STEAP1B: variants seen among roughly 807,000 people sequenced by gnomAD.
The protein encoded by STEAP1B is STEAP family member 1B, also known as STEAP family protein MGC87042.
Under a neutral mutation model 27.9 loss-of-function variants are expected in STEAP1B, and 13 were observed. The ratio of observed to expected loss-of-function variants is 0.47; its 90% CI spans 0.30 to 0.74. STEAP1B has a LOEUF of 0.74. Ranked by LOEUF, STEAP1B falls within the 30% of genes least tolerant of loss-of-function variation. STEAP1B has a pLI of 0.06. For synonymous variants in STEAP1B, 86 were observed against 107.1 expected (o/e 0.80, Z 1.22); for missense variants, 250 against 298.7 (o/e 0.84, Z 1.20).
At chr7:22,484,024 A>C (rs977252450) in intron 4 of STEAP1B, among the ~76,000 whole-genome samples, 10 of 152,236 alleles carry the variant, frequency 6.6e-5, no homozygotes, top group African/African-American at 2.4e-4. Flanking sequence ...AGCTGCAGAA[A>C]AGCTGGCAGC....
intron 4 of STEAP1B, among the ~76,000 whole-genome samples, chr7:22,466,185 AGTT>A (rs1189579665): frequency 6.6e-6 from 1 of 152,346 alleles, no homozygotes; most frequent in East Asian, 1.9e-4. Flanking sequence ...AATTGACAAA[AGTT>A]GTATATATTT....
chr7:22,456,230 A>T (rs756569077), intron 4 of STEAP1B, among the ~76,000 whole-genome samples: 3 of 152,162 alleles, frequency 2.0e-5, no homozygotes, highest in Non-Finnish European at 2.9e-5. Flanking sequence ...AAGATTTCTG[A>T]AAATGAGGAA....
At chr7:22,428,101 T>C (rs1181006740) in intron 4 of STEAP1B, among the ~76,000 whole-genome samples, 1 of 152,056 alleles carries the variant, frequency 6.6e-6, no homozygotes. Context: ...TGGCCAGACA[T>C]AGGATGGAAT....
chr7:22,438,584 G>T lies in STEAP1B; in HGVS notation c.763-18748C>A, dbSNP rs752576067. ...TGAGAGCTAACATTTCCCTTTGAAG[G>T]GCTGGCTGCTGATAAAATGAAGTAT... On this transcript the variant is annotated intron_variant, in intron 4 of 4. Coordinates refer to ENST00000678116, the MANE Select transcript of STEAP1B (RefSeq NM_001382447.1). The T allele has an allele frequency of 9.0e-6, 14 of 1,552,142 alleles. No homozygotes were observed. In the South Asian group the frequency reaches 1.5e-4, roughly 17 times the overall value.
At chr7:22,456,595 C>G (rs1475034337) in intron 4 of STEAP1B, among the ~76,000 whole-genome samples, 2 of 152,070 alleles carry the variant, frequency 1.3e-5, no homozygotes, top group Non-Finnish European at 2.9e-5. Context: ...GGAATTTTTA[C>G]TTATGCCCAT....
At chr7:22,492,974 T>G (rs1377964135) in intron 3 of STEAP1B, among the ~76,000 whole-genome samples, 8 of 152,196 alleles carry the variant, frequency 5.3e-5, no homozygotes, top group Non-Finnish European at 7.4e-5. Context: ...ATGGTTTACT[T>G]GGATAGAACT....
At chr7:22,440,943 AAGT>A (rs1246420012) in intron 4 of STEAP1B, among the ~76,000 whole-genome samples, 1 of 150,514 alleles carries the variant, frequency 6.6e-6, no homozygotes, top group Non-Finnish European at 1.5e-5. Context: ...CTATTTTAAA[AAGT>A]AGAATATTAA....
chr7:22,463,458 T>C (rs916098770), intron 4 of STEAP1B, among the ~76,000 whole-genome samples: 1 of 152,166 alleles, frequency 6.6e-6, no homozygotes, highest in Non-Finnish European at 1.5e-5. Context: ...AAAACTACTT[T>C]AAAGTTCATC....
At chr7:22,425,965 T>C (rs2528835) in intron 4 of STEAP1B, among the ~76,000 whole-genome samples, 70,861 of 152,080 alleles carry the variant, frequency 0.47, 16,592 homozygotes, top group East Asian at 0.61. Context: ...GAGACTGTTA[T>C]GTTGCTACAG....
chr7:22,447,965 A>G (rs1378916860), intron 4 of STEAP1B, among the ~76,000 whole-genome samples: 1 of 152,154 alleles, frequency 6.6e-6, no homozygotes, highest in Non-Finnish European at 1.5e-5. Context: ...CATGCAACCC[A>G]TATTGGTTTC....
At chr7:22,441,776 C>A (rs187571108) in intron 4 of STEAP1B, among the ~76,000 whole-genome samples, 1 of 152,226 alleles carries the variant, frequency 6.6e-6, no homozygotes, top group East Asian at 1.9e-4. Context: ...TATAACCAGA[C>A]GTACTCTTAC....
chr7:22,491,465 A>G (rs989438188), intron 4 of STEAP1B, among the ~76,000 whole-genome samples: 19 of 152,350 alleles, frequency 1.2e-4, no homozygotes, highest in African/African-American at 4.3e-4. Context: ...AAATATCATG[A>G]GAGCGAAAGG....
chr7:22,456,344 T>C (rs1422551646), intron 4 of STEAP1B, among the ~76,000 whole-genome samples: 2 of 152,206 alleles, frequency 1.3e-5, no homozygotes, highest in Non-Finnish European at 2.9e-5. Flanking sequence ...AGTGTGATAA[T>C]GCTGCTTCTA....
At chr7:22,482,060 C>T (rs1391473438) in intron 4 of STEAP1B, among the ~76,000 whole-genome samples, 1 of 152,198 alleles carries the variant, frequency 6.6e-6, no homozygotes, top group Non-Finnish European at 1.5e-5. Context: ...CCAGGCAGAG[C>T]CATGTCTGGG....
In STEAP1B at chr7:22,493,828, G is replaced by C. The variant is rs749717453; in HGVS notation, c.93C>G (p.Asp31Glu). ...NLEDNDYLHE[D>E]TGETSMLKRP... ...TTTTTAGCATGCTGGTCTCTCCCGTGTCCTCATGCTACAAAGGAAAGAAAA... is the reference window on the plus strand; with the variant it reads ...TTTTTAGCATGCTGGTCTCTCCCGTCTCCTCATGCTACAAAGGAAAGAAAA... Residue 31 changes from aspartate (D) to glutamate (E), a missense_variant, in exon 3 of 5, where the codon GAC (aspartate) becomes GAG (glutamate). Transcript: ENST00000678116. 3 of 1,599,616 alleles carry C rather than the reference G, an allele frequency of 1.9e-6. No individual in the cohort carries two copies. Among genetic ancestry groups the C allele is most frequent in the African/African-American group, 2.7e-5 (2 of 73,530 alleles).
intron 4 of STEAP1B, among the ~76,000 whole-genome samples, chr7:22,475,086 A>T (rs1425812592): frequency 6.6e-6 from 1 of 152,176 alleles, no homozygotes; most frequent in Non-Finnish European, 1.5e-5. Flanking sequence ...AAAGTAATGC[A>T]TCCCTGAGTC....
rs547380907 is a variant in STEAP1B, at chr7:22,472,456, A to AGGATTGGC, written c.762+20108_762+20109insGCCAATCC. 9.7e-4 allele frequency among the ~76,000 whole-genome samples: 148 copies of AGGATTGGC among 152,346 alleles called. 6 individuals carry two copies. In the South Asian group the frequency reaches 0.03, roughly 31 times the overall value. ...GATGTCCTGCAGGTCAGTGCTACTC[A>AGGATTGGC]AAAATGTGATTGGCAAGTGATGTGT... On this transcript the variant is annotated intron_variant, in intron 4 of 4. Coordinates refer to ENST00000678116, the MANE Select transcript of STEAP1B (RefSeq NM_001382447.1).
intron 4 of STEAP1B, among the ~76,000 whole-genome samples, chr7:22,474,950 C>T (rs1785945556): frequency 6.6e-6 from 1 of 152,186 alleles, no homozygotes; most frequent in East Asian, 1.9e-4. Flanking sequence ...AAATGAGAAA[C>T]ATCTCCTGAT....
In STEAP1B at chr7:22,470,577, C is replaced by G. The variant is rs181866674; in HGVS notation, c.762+21988G>C. Among the ~76,000 whole-genome samples the G allele has an allele frequency of 2.6e-4, 40 of 152,212 alleles. No homozygotes were observed. In the East Asian group the frequency reaches 7.0e-3, roughly 26 times the overall value. On this transcript the variant is annotated intron_variant, in intron 4 of 4. Coordinates refer to ENST00000678116, the MANE Select transcript of STEAP1B (RefSeq NM_001382447.1). ...CTTGAGGTCAGGAGTTCCAGACCAG[C>G]CAACATGGTAAAACCCCATCTCTAC...
Sources: gnomAD v4.1 joint callset for allele counts (sites outside exome capture counted in the v4.1 genomes callset) on GRCh38, gnomAD v4.1.1 for gene constraint, MANE v1.5 for transcripts, NCBI Gene and HGNC (gene_info 2026-07-23, HGNC 2026-07-21) for gene names.